Variants in MSR1 observed in about 807,000 individuals in gnomAD.
The protein encoded by MSR1 is macrophage scavenger receptor types I and II.
A neutral mutation model predicts 47.2 loss-of-function variants in MSR1; 53 were observed. The observed-to-expected ratio is 1.12, with a 90% CI of 0.90 to 1.41. MSR1 has a LOEUF of 1.41. Among genes scored for constraint, MSR1 ranks in the 40% most tolerant of loss-of-function variants. The pLI is 0.00. For missense variants in MSR1, 786 were observed against 546.9 expected (o/e 1.44, Z -4.36); for synonymous variants, 239 against 185.6 (o/e 1.29, Z -2.34).
At chr8:16,181,551 G>A (rs768569545) in intron 1 of MSR1, among the ~76,000 whole-genome samples, 6 of 152,018 alleles carry the variant, frequency 3.9e-5, no homozygotes, top group South Asian at 4.1e-4. Flanking sequence ...ACACAGGAAC[G>A]GAAAACAAAA....
intron 3 of MSR1, among the ~76,000 whole-genome samples, chr8:16,169,776 T>A (rs1367680194): frequency 6.6e-6 from 1 of 152,008 alleles, no homozygotes; most frequent in African/African-American, 2.4e-5. Context: ...TTGTAGTATA[T>A]GTATGGATCT....
At chr8:16,129,971 G>A (rs1025922403) in intron 8 of MSR1, among the ~76,000 whole-genome samples, 2 of 152,132 alleles carry the variant, frequency 1.3e-5, no homozygotes, top group Non-Finnish European at 1.5e-5. Flanking sequence ...CTCAGGCTAT[G>A]GAGGAAAGGG....
At chr8:16,166,360 A>C (rs545053262) in intron 4 of MSR1, among the ~76,000 whole-genome samples, 30 of 150,026 alleles carry the variant, frequency 2.0e-4, no homozygotes, top group African/African-American at 6.9e-4. Flanking sequence ...ATGGGGTTTC[A>C]CTATGTTGGC....
intron 3 of MSR1, among the ~76,000 whole-genome samples, chr8:16,174,005 T>C (rs1191176909): frequency 6.6e-6 from 1 of 152,152 alleles, no homozygotes; most frequent in Admixed American, 6.5e-5. Flanking sequence ...TTGATTAAAC[T>C]GGGAGACAAG....
At chr8:16,120,900 A>C (rs750296144) in intron 8 of MSR1, 1 of 418,406 alleles carries the variant, frequency 2.4e-6, no homozygotes, top group Non-Finnish European at 4.3e-6. Flanking sequence ...TTGAATTTTG[A>C]CAGATACAAG....
At chr8:16,188,849 T>C (rs888129437) in intron 1 of MSR1, among the ~76,000 whole-genome samples, 6 of 151,848 alleles carry the variant, frequency 4.0e-5, no homozygotes, top group African/African-American at 1.5e-4. Context: ...ACTCATCTTT[T>C]TTATGGCTGC....
chr8:16,185,722 CAG>C (rs1270143447), intron 1 of MSR1, among the ~76,000 whole-genome samples: 2 of 151,550 alleles, frequency 1.3e-5, no homozygotes, highest in Non-Finnish European at 2.9e-5. Context: ...AGCAATGGTG[CAG>C]ACAATTAAGA....
chr8:16,118,774 A>G (rs1367894072), intron 9 of MSR1, among the ~76,000 whole-genome samples: 4 of 152,196 alleles, frequency 2.6e-5, no homozygotes, highest in African/African-American at 7.2e-5. Flanking sequence ...GCATCATTCA[A>G]TTCTCTAGGG....
chr8:16,131,145 C>T (rs912493686), intron 8 of MSR1, among the ~76,000 whole-genome samples: 8 of 152,056 alleles, frequency 5.3e-5, no homozygotes, highest in Admixed American at 1.3e-4. Context: ...ACCACAGCAT[C>T]TGTAATTTTT....
In MSR1 at chr8:16,140,224, T is replaced by C. The variant is rs980380136; in HGVS notation, c.1033+3334A>G. On this transcript the variant is annotated intron_variant, in intron 8 of 9. Coordinates refer to ENST00000262101, the MANE Select transcript of MSR1 (RefSeq NM_138715.3). ...CAATAAATTAAATTGTGTTCTAGAC[T>C]CTAGGTGAATGCGTGTAGTCCAGCC... 1.4e-5 allele frequency: 14 copies of C among 984,802 alleles called. No individual in the cohort carries two copies. In the African/African-American group the frequency reaches 2.3e-4, roughly 16 times the overall value. The allele number at this position is 984,802 out of a possible 1,614,324, so 61.0% of individuals were successfully genotyped here.
chr8:16,162,491 T>C (rs1468409896), intron 5 of MSR1, among the ~76,000 whole-genome samples: 2 of 151,890 alleles, frequency 1.3e-5, no homozygotes, highest in Non-Finnish European at 2.9e-5. Context: ...AAATAAATAT[T>C]TGTTGTGGGT....
chr8:16,171,574 T>C (rs2117191682), intron 3 of MSR1, among the ~76,000 whole-genome samples: 1 of 152,282 alleles, frequency 6.6e-6, no homozygotes, highest in Admixed American at 6.5e-5. Flanking sequence ...CATCCATGCA[T>C]TCATTAATTC....
Position 16,168,609 on chromosome 8 carries a change from C to T in MSR1, c.479G>A (p.Ser160Asn). Residue 160 changes from serine to asparagine, a missense_variant, in exon 4 of 10, where the codon AGT (serine) becomes AAT (asparagine). By Grantham distance (46) the Ser-to-Asn change is conservative. Coordinates refer to ENST00000262101, the MANE Select transcript of MSR1 (RefSeq NM_138715.3). ...QRFNDILLQL[S>N]TLFSSVQGHG... Reference sequence around the variant, plus strand: ...TCCCTGGACTGAGGAAAACAAGGTACTTAGCTGCAGAAGAATGTCATTAAA... The same window carrying T: ...TCCCTGGACTGAGGAAAACAAGGTATTTAGCTGCAGAAGAATGTCATTAAA... The T allele has an allele frequency of 6.2e-7, 1 of 1,614,122 alleles. No individual in the cohort carries two copies. Among genetic ancestry groups the T allele is most frequent in the Non-Finnish European group, 8.5e-7 (1 of 1,180,000 alleles).
At chr8:16,169,040 C>G (rs766614675) in intron 3 of MSR1, among the ~76,000 whole-genome samples, 170 bp from the exon 4 acceptor site, 1 of 152,036 alleles carries the variant, frequency 6.6e-6, no homozygotes, top group African/African-American at 2.4e-5. Flanking sequence ...AACTACGCTA[C>G]GTATATTGCT....
chr8:16,189,189 C>T (rs890833030), intron 1 of MSR1, among the ~76,000 whole-genome samples: 20 of 136,476 alleles, frequency 1.5e-4, no homozygotes, highest in Admixed American at 5.3e-4. Context: ...TTCATATATA[C>T]GTAAAACCTT....
At position 16,150,424 on chromosome 8, in the gene MSR1, A is replaced by G. The variant is rs148190747; in HGVS notation, c.899-113T>C. 2.9e-3 allele frequency: 1,286 copies of G among 438,120 alleles called. 15 individuals are homozygous for G. Among genetic ancestry groups the G allele is most frequent in the African/African-American group, 0.024 (1,172 of 48,514 alleles). 27.1% of individuals were successfully genotyped at this position (438,120 alleles called of 1,614,324 possible). A position where few individuals can be genotyped will look rare whatever the true frequency, so the allele number is the denominator to read the frequency against. On this transcript the variant is annotated intron_variant, in intron 6 of 9. Coordinates refer to ENST00000262101, the MANE Select transcript of MSR1 (RefSeq NM_138715.3). Reference sequence around the variant, plus strand: ...GAATATGAAATTAGAGAATCTTCAAATGAAGGAATAATATCTTTCCTAAAA... The same window carrying G: ...GAATATGAAATTAGAGAATCTTCAAGTGAAGGAATAATATCTTTCCTAAAA...
At chr8:16,186,836 A>G (rs966811150) in intron 1 of MSR1, among the ~76,000 whole-genome samples, 4 of 149,292 alleles carry the variant, frequency 2.7e-5, no homozygotes, top group Admixed American at 1.3e-4. Context: ...CTGATCTCAA[A>G]CTCTTTAGCC....
chr8:16,134,057 T>A (rs922519443), intron 8 of MSR1, among the ~76,000 whole-genome samples: 1 of 152,144 alleles, frequency 6.6e-6, no homozygotes, highest in African/African-American at 2.4e-5. Context: ...TATTTTCTTA[T>A]CCCTTTGTAA....
At chr8:16,140,996 C>T in intron 8 of MSR1, 1 of 1,613,926 alleles carries the variant, frequency 6.2e-7, no homozygotes, top group Non-Finnish European at 8.5e-7. Context: ...CCCAACCCAC[C>T]TGATCTTAAG....
Sources: gnomAD v4.1 joint callset for allele counts (sites outside exome capture counted in the v4.1 genomes callset) on GRCh38, gnomAD v4.1.1 for gene constraint, MANE v1.5 for transcripts, NCBI Gene and HGNC (gene_info 2026-07-23, HGNC 2026-07-21) for gene names.